Variants in ARHGAP15 observed in about 807,000 individuals in gnomAD.
ARHGAP15 encodes rho GTPase-activating protein 15.
ARHGAP15 carries 51 observed loss-of-function variants against 63.7 expected under a neutral mutation model. That is an observed-to-expected ratio of 0.80 (90% CI 0.64 to 1.01). The LOEUF (loss-of-function observed/expected upper bound fraction) is 1.01. Among genes scored for constraint, ARHGAP15 ranks in the 50% least tolerant of loss-of-function variants. The pLI is 0.00. For missense variants in ARHGAP15, 560 were observed against 564.6 expected, an observed-to-expected ratio of 0.99 and a Z score of 0.08; for synonymous variants, 191 against 193.8, an observed-to-expected ratio of 0.99 and a Z score of 0.12.
intron 12 of ARHGAP15, among the ~76,000 whole-genome samples, chr2:143,663,787 T>A (rs1306086908): frequency 2.0e-5 from 3 of 151,712 alleles, no homozygotes; most frequent in African/African-American, 7.3e-5. Flanking sequence ...TAAAACAGAC[T>A]TTAAACCAAC....
chr2:143,522,454 T>A (rs917295099), intron 10 of ARHGAP15, among the ~76,000 whole-genome samples: 1 of 152,200 alleles, frequency 6.6e-6, no homozygotes, highest in African/African-American at 2.4e-5. Flanking sequence ...ACTCAACTTA[T>A]GTTTCTTTTT....
At position 143,583,454 on chromosome 2, in the gene ARHGAP15, T is replaced by A. The variant is rs557130075; in HGVS notation, c.1003+26969T>A. On this transcript the variant is annotated intron_variant, in intron 11 of 13. Coordinates refer to ENST00000295095, the MANE Select transcript of ARHGAP15 (RefSeq NM_018460.4). ...TTGTTCCCAGTAGTAGTTTTACAGA[T>A]TTTTACGAACTGTTACTTTTATAGA... Among the ~76,000 whole-genome samples the A allele has an allele frequency of 9.2e-5, 14 of 152,298 alleles. No individual in the cohort carries two copies. In the East Asian group the frequency reaches 2.7e-3, roughly 29 times the overall value.
At chr2:143,242,164 T>G (rs1693886282) in intron 5 of ARHGAP15, among the ~76,000 whole-genome samples, 1 of 152,150 alleles carries the variant, frequency 6.6e-6, no homozygotes, top group Non-Finnish European at 1.5e-5. Context: ...AAGTGGCATT[T>G]CATCTAAAGT....
At chr2:143,656,345 A>G (rs572649553) in intron 12 of ARHGAP15, among the ~76,000 whole-genome samples, 1 of 152,346 alleles carries the variant, frequency 6.6e-6, no homozygotes, top group Non-Finnish European at 1.5e-5. Flanking sequence ...CGGTTTAGTT[A>G]TATACAGTAT....
intron 6 of ARHGAP15, among the ~76,000 whole-genome samples, chr2:143,374,794 C>T (rs187090125): frequency 6.6e-6 from 1 of 152,136 alleles, no homozygotes; most frequent in Non-Finnish European, 1.5e-5. Flanking sequence ...TGAGCTACTG[C>T]TCCTGGCCAT....
chr2:143,338,317 C>T (rs1449254694), intron 6 of ARHGAP15, among the ~76,000 whole-genome samples: 1 of 152,146 alleles, frequency 6.6e-6, no homozygotes, highest in Non-Finnish European at 1.5e-5. Context: ...TAACAAATTT[C>T]TAACATGTGG....
rs762718451 is a variant in ARHGAP15, at chr2:143,435,709, T to C, written c.573+10T>C. The C allele has an allele frequency of 7.5e-6, 12 of 1,601,402 alleles. No individual in the cohort carries two copies. The highest frequency in any genetic ancestry group is 1.3e-5 in the African/African-American group (1 of 74,216). On this transcript the variant is annotated intron_variant, in intron 7 of 13. Transcript: ENST00000295095. ...TGCAATTGACAGATTGGTATGTATT[T>C]GTTTTGGCTGTTACCTTTATTAATT...
At chr2:143,250,457 C>T (rs1369104821) in intron 5 of ARHGAP15, 54 bp from the exon 6 acceptor site, 2 of 1,334,552 alleles carry the variant, frequency 1.5e-6, no homozygotes, top group African/African-American at 1.5e-5. Flanking sequence ...ATTTCTCTGA[C>T]ATCTATCTAC....
chr2:143,509,153 T>C (rs1693459011), intron 9 of ARHGAP15, among the ~76,000 whole-genome samples: 1 of 152,176 alleles, frequency 6.6e-6, no homozygotes, highest in African/African-American at 2.4e-5. Flanking sequence ...GTAGCAGATA[T>C]TGTCATTATC....
At chr2:143,494,460 C>T (rs538953355) in intron 9 of ARHGAP15, among the ~76,000 whole-genome samples, 5 of 152,174 alleles carry the variant, frequency 3.3e-5, no homozygotes, top group African/African-American at 9.6e-5. Context: ...AATAAATATT[C>T]GGTAATTGAA....
At chr2:143,567,252 T>C (rs189744576) in intron 11 of ARHGAP15, among the ~76,000 whole-genome samples, 1 of 152,310 alleles carries the variant, frequency 6.6e-6, no homozygotes, top group Admixed American at 6.5e-5. Context: ...TGTCTTGGTC[T>C]CCTCAGTATC....
At chr2:143,139,180 G>T (rs1348811085) in intron 1 of ARHGAP15, among the ~76,000 whole-genome samples, 2 of 151,944 alleles carry the variant, frequency 1.3e-5, no homozygotes, top group Non-Finnish European at 2.9e-5. Flanking sequence ...AACTGATTAT[G>T]TCCCACATTA....
chr2:143,746,433 C>T (rs1686167211), intron 13 of ARHGAP15, among the ~76,000 whole-genome samples: 1 of 152,140 alleles, frequency 6.6e-6, no homozygotes, highest in South Asian at 2.1e-4. Flanking sequence ...CAGAAAAAGC[C>T]TCAACATCTA....
At chr2:143,559,962 A>G (rs1359279016) in intron 11 of ARHGAP15, among the ~76,000 whole-genome samples, 1 of 152,234 alleles carries the variant, frequency 6.6e-6, no homozygotes, top group Non-Finnish European at 1.5e-5. Context: ...GGCTCTAAAT[A>G]TACATTTTTA....
intron 12 of ARHGAP15, among the ~76,000 whole-genome samples, chr2:143,674,065 C>T (rs899495772): frequency 5.3e-5 from 8 of 151,806 alleles, no homozygotes; most frequent in African/African-American, 1.9e-4. Flanking sequence ...TAAAATGGTA[C>T]AATCATTTTA....
At chr2:143,403,926 T>TG (rs1688092597) in intron 6 of ARHGAP15, among the ~76,000 whole-genome samples, 1 of 24,610 alleles carries the variant, frequency 4.1e-5, no homozygotes, top group African/African-American at 1.7e-4. Context: ...CAGGATGTAA[T>TG]TTTTTTTTTT....
chr2:143,608,575 A>G (rs1698131509), intron 11 of ARHGAP15: 2 of 152,340 alleles, frequency 1.3e-5, no homozygotes, highest in South Asian at 4.1e-4. Flanking sequence ...TAATTGAACT[A>G]CTGGTCGTCT....
intron 3 of ARHGAP15, among the ~76,000 whole-genome samples, chr2:143,208,257 A>G (rs1394292405): frequency 2.6e-5 from 4 of 152,138 alleles, no homozygotes; most frequent in Admixed American, 2.0e-4. Flanking sequence ...GAAACACGAG[A>G]GACATTGGCT....
At chr2:143,731,081 T>C (rs1329210083) in intron 13 of ARHGAP15, among the ~76,000 whole-genome samples, 1 of 152,030 alleles carries the variant, frequency 6.6e-6, no homozygotes, top group Non-Finnish European at 1.5e-5. Flanking sequence ...AAATGGTCTA[T>C]TGGTTTTAGA....
Sources: allele counts gnomAD v4.1 joint callset (sites outside exome capture counted in the v4.1 genomes callset), GRCh38; gene constraint gnomAD v4.1.1; transcripts MANE v1.5; gene names NCBI Gene and HGNC (gene_info 2026-07-23, HGNC 2026-07-21).